The following LIMCH1 variants were observed in gnomAD, a reference collection of about 807,000 sequenced individuals.
LIMCH1 encodes the protein LIM and calponin homology domains-containing protein 1.
A neutral mutation model predicts 176.5 loss-of-function variants in LIMCH1; 113 were observed. The observed-to-expected ratio is 0.64, with a 90% CI of 0.55 to 0.75. The LOEUF is 0.75. Ranked by LOEUF, LIMCH1 falls within the 30% of genes least tolerant of loss-of-function variation. The probability of loss-of-function intolerance (pLI) is 0.00; values close to 1 mark genes in which losing one functional copy is unlikely to be tolerated. For missense variants in LIMCH1, 1,674 were observed against 1,814.9 expected (o/e 0.92, Z 1.41); for synonymous variants, 619 against 645.9 (o/e 0.96, Z 0.63).
At chr4:41,486,789 A>C (rs1283286897) in intron 1 of LIMCH1, among the ~76,000 whole-genome samples, 3 of 151,342 alleles carry the variant, frequency 2.0e-5, no homozygotes, top group Non-Finnish European at 2.9e-5. Context: ...TTTCTTTTTT[A>C]TTTTGAGACA....
At chr4:41,452,744 G>A (rs149406202) in intron 1 of LIMCH1, among the ~76,000 whole-genome samples, 1 of 152,286 alleles carries the variant, frequency 6.6e-6, no homozygotes, top group East Asian at 1.9e-4. Context: ...CTTCTGCAAA[G>A]CCTTCCTCAA....
At chr4:41,570,903 G>A (rs1343522371) in intron 1 of LIMCH1, among the ~76,000 whole-genome samples, 2 of 152,174 alleles carry the variant, frequency 1.3e-5, no homozygotes, top group African/African-American at 4.8e-5. Context: ...TCCATTTGAA[G>A]GAGAGTGCAG....
intron 1 of LIMCH1, among the ~76,000 whole-genome samples, chr4:41,594,553 C>T (rs867754985): frequency 6.6e-6 from 1 of 152,332 alleles, no homozygotes; most frequent in African/African-American, 2.4e-5. Flanking sequence ...CAGCCCTTCT[C>T]GCTTGCTCCA....
chr4:41,477,413 G>A (rs1176961287), intron 1 of LIMCH1, among the ~76,000 whole-genome samples: 1 of 152,176 alleles, frequency 6.6e-6, no homozygotes, highest in Non-Finnish European at 1.5e-5. Flanking sequence ...CCCCCACCAT[G>A]ACAACCTGTG....
intron 3 of LIMCH1, among the ~76,000 whole-genome samples, chr4:41,526,492 T>C (rs1438923042): frequency 2.0e-5 from 3 of 152,276 alleles, no homozygotes; most frequent in East Asian, 1.9e-4. Context: ...ACCAGAGCAC[T>C]TGTGGCCCTG....
chr4:41,514,225 T>C (rs765684104), intron 2 of LIMCH1, among the ~76,000 whole-genome samples: 1 of 151,868 alleles, frequency 6.6e-6, no homozygotes, highest in Non-Finnish European at 1.5e-5. Context: ...AGAGCTAGAG[T>C]TACAGAGAGG....
chr4:41,676,312 C>T, intron 22 of LIMCH1, 70 bp from the exon 23 acceptor site: 3 of 1,253,790 alleles, frequency 2.4e-6, no homozygotes, highest in South Asian at 2.6e-5. Flanking sequence ...GGCCAATTGT[C>T]TACTCTTCAC....
chr4:41,617,726 A>T (rs1465855555), intron 5 of LIMCH1, among the ~76,000 whole-genome samples: 9 of 152,244 alleles, frequency 5.9e-5, no homozygotes, highest in Non-Finnish European at 1.2e-4. Context: ...GTCTTTTAAA[A>T]GCCATTATAT....
At chr4:41,538,121 G>A, upstream of LIMCH1, 2 of 976,888 alleles carry the variant, frequency 2.0e-6, no homozygotes, top group Non-Finnish European at 2.4e-6. Context: ...AATAGGTGTG[G>A]CAATCAGCTG....
rs571252706 is a variant in LIMCH1 at position 41,562,832 on chromosome 4, G to T, written c.-241+24482G>T. ...AATATTGCTCTTTCTGGGTCATGGG[G>T]GAGGGGTGATTTTTGCTTTCCCTTT... On this transcript the variant is annotated intron_variant, in intron 1 of 31. Coordinates refer to ENST00000503057, the MANE Select transcript of LIMCH1 (RefSeq NM_001330672.2). 7.8e-4 allele frequency among the ~76,000 whole-genome samples: 118 copies of T among 152,224 alleles called. No individual in the cohort carries two copies. In the Middle Eastern group the frequency reaches 0.01, roughly 13 times the overall value.
intron 4 of LIMCH1, chr4:41,612,373 A>G (rs1181010326): frequency 1.7e-6 from 1 of 572,350 alleles, no homozygotes; most frequent in African/African-American, 1.9e-5. Flanking sequence ...TGCAGAGGGG[A>G]CTTTCGCGAG....
intron 14 of LIMCH1, 44 bp from the exon 15 acceptor site, chr4:41,644,456 G>C: frequency 6.9e-7 from 1 of 1,446,880 alleles, no homozygotes; most frequent in Non-Finnish European, 9.1e-7. Flanking sequence ...GACGCGACGG[G>C]CGCTGATCGC....
chr4:41,658,234 ATTCT>A (rs1363847160), intron 18 of LIMCH1, among the ~76,000 whole-genome samples: 3 of 152,210 alleles, frequency 2.0e-5, no homozygotes, highest in African/African-American at 7.2e-5. Context: ...ATGTGAGACG[ATTCT>A]TATGAAAGGC....
At position 41,646,515 on chromosome 4, in the gene LIMCH1, A is replaced by G. The variant is rs1460263361; in HGVS notation, c.2442A>G (p.Ala814=). Residue 814 remains alanine, a synonymous_variant, in exon 17 of 32, where the codon GCA becomes GCG. Transcript: ENST00000503057. The stretch of plus-strand genomic sequence containing the variant: ...GGAGAGAGAGAGAGCTGCATGAAGC[A>G]TATAAGAACGCTCGGTCCCAGGAGG... ...KERRERELHE[A]YKNARSQEEA... is the part of the protein sequence containing the mutation. 1.9e-6 allele frequency: 3 copies of G among 1,614,134 alleles called. No individual in the cohort carries two copies. The East Asian group carries it at 6.7e-5, about 36-fold the overall frequency.
chr4:41,633,480 A>G, intron 12 of LIMCH1, 68 bp from the exon 13 acceptor site: 1 of 1,501,518 alleles, frequency 6.7e-7, no homozygotes, highest in Non-Finnish European at 8.9e-7. Flanking sequence ...AACGCCAGTG[A>G]GTGACACTAC....
At chr4:41,409,671 T>C (rs2059305873) in intron 1 of LIMCH1, among the ~76,000 whole-genome samples, 1 of 152,194 alleles carries the variant, frequency 6.6e-6, no homozygotes, top group Non-Finnish European at 1.5e-5. Context: ...TTAGAGCGGT[T>C]CCTATAAATG....
chr4:41,619,371 C>G lies in LIMCH1; in HGVS notation c.389C>G (p.Ala130Gly). The G allele has an allele frequency of 6.2e-7, 1 of 1,614,010 alleles. No homozygotes were observed. The highest frequency in any genetic ancestry group is 8.5e-7 in the Non-Finnish European group (1 of 1,180,032). ...CCCGCGCCTCTGAGAAAGAAGAAAGCAGAGAGAGAGGAATACCGCAAGAGC... is the reference window on the plus strand; with the variant it reads ...CCCGCGCCTCTGAGAAAGAAGAAAGGAGAGAGAGAGGAATACCGCAAGAGC... Reference protein sequence around the residue: ...YVPAPLRKKKAEREEYRKSWS... With the variant: ...YVPAPLRKKKGEREEYRKSWS... The change falls in exon 6 of 32, where the codon GCA (alanine) becomes GGA (glycine). Residue 130 changes from alanine to glycine, a missense_variant. By Grantham distance (60) the Ala-to-Gly change is moderately conservative. This residue lies in a region of LIMCH1 where 655 missense variants were observed against 692.2 expected (regional missense o/e 0.95). Coordinates refer to ENST00000503057, the MANE Select transcript of LIMCH1 (RefSeq NM_001330672.2).
Position 41,578,521 on chromosome 4 carries a change from G to A in LIMCH1, c.-240-20399G>A, listed in dbSNP as rs527377499. On this transcript the variant is annotated intron_variant, in intron 1 of 31. Transcript: ENST00000503057. ...ACCCTTGATAGCTGAATCTGAGACTGTCAACTTCTTTATATCTTCCCAACA... is the reference window on the plus strand; with the variant it reads ...ACCCTTGATAGCTGAATCTGAGACTATCAACTTCTTTATATCTTCCCAACA... 4.6e-5 allele frequency among the ~76,000 whole-genome samples: 7 copies of A among 152,304 alleles called. No homozygotes were observed. The South Asian group carries it at 1.0e-3, about 23-fold the overall frequency.
chr4:41,384,380 T>A (rs186236067), intron 1 of LIMCH1, among the ~76,000 whole-genome samples: 1 of 152,110 alleles, frequency 6.6e-6, no homozygotes, highest in African/African-American at 2.4e-5. Flanking sequence ...ATTTTTTTTT[T>A]TTTATTTTTA....
Sources: gnomAD v4.1 joint callset for allele counts (sites outside exome capture counted in the v4.1 genomes callset) on GRCh38, gnomAD v4.1.1 for gene constraint, gnomAD v4.1.1 regional missense constraint, MANE v1.5 for transcripts, NCBI Gene and HGNC (gene_info 2026-07-23, HGNC 2026-07-21) for gene names.